Variants in RNF121 observed in about 807,000 individuals in gnomAD.
The protein encoded by RNF121 is E3 ubiquitin ligase RNF121.
In RNF121, 21 loss-of-function variants were observed where a neutral mutation model predicts 46.5. The ratio of observed to expected loss-of-function variants is 0.45; its 90% CI spans 0.32 to 0.65. The LOEUF (loss-of-function observed/expected upper bound fraction) is 0.65. Ranked by LOEUF, RNF121 falls within the 30% of genes least tolerant of loss-of-function variation. RNF121 has a pLI of 0.04. For synonymous variants in RNF121, 139 were observed against 144.7 expected, an observed-to-expected ratio of 0.96 and a Z score of 0.28; for missense variants, 346 against 416.0, an observed-to-expected ratio of 0.83 and a Z score of 1.46.
At chr11:71,968,668 CTATT>C (rs993135280) in intron 3 of RNF121, among the ~76,000 whole-genome samples, 5 of 152,126 alleles carry the variant, frequency 3.3e-5, no homozygotes, top group African/African-American at 1.2e-4. Flanking sequence ...TGAGTACTGT[CTATT>C]TATTTGTTCA....
intron 3 of RNF121, chr11:71,962,287 A>G (rs1264942884): frequency 2.0e-6 from 2 of 984,906 alleles, no homozygotes; most frequent in African/African-American, 3.5e-5. Flanking sequence ...TATTCTGAAG[A>G]AAGTGAGTAT....
At chr11:71,940,494 A>G (rs1383424472) in intron 1 of RNF121, among the ~76,000 whole-genome samples, 1 of 152,216 alleles carries the variant, frequency 6.6e-6, no homozygotes, top group Admixed American at 6.5e-5. Context: ...ATGTTGAGAA[A>G]TGAGGATGTA....
chr11:71,966,647 A>AAT (rs1489640125), intron 3 of RNF121, among the ~76,000 whole-genome samples: 3 of 151,202 alleles, frequency 2.0e-5, no homozygotes, highest in South Asian at 2.1e-4. Flanking sequence ...ACGCTTGGCT[A>AAT]ATATATATAT....
chr11:71,964,904 A>G (rs555693596), intron 3 of RNF121, among the ~76,000 whole-genome samples: 4 of 152,302 alleles, frequency 2.6e-5, no homozygotes, highest in African/African-American at 9.6e-5. Context: ...TGAAATCTGT[A>G]TCAAATTGAA....
At position 71,997,443 on chromosome 11, in the gene RNF121, T is replaced by G. The variant is rs1473187869; in HGVS notation, c.*1128T>G. Reference sequence around the variant, plus strand: ...GGCCCCAGCCCTAGTCCTAGGCGACTTGAATAAAGTGGGAGGTCAAACATG... The same window carrying G: ...GGCCCCAGCCCTAGTCCTAGGCGACGTGAATAAAGTGGGAGGTCAAACATG... On this transcript the variant is annotated 3_prime_UTR_variant, in exon 9 of 9. Transcript: ENST00000361756. The G allele has an allele frequency of 6.6e-6, 1 of 152,170 alleles. No homozygotes were observed. The highest frequency in any genetic ancestry group is 1.5e-5 in the Non-Finnish European group (1 of 68,034). The allele number at this position is 152,170 out of a possible 1,614,324, so 9.4% of individuals were successfully genotyped here. A position where few individuals can be genotyped will look rare whatever the true frequency, so the allele number is the denominator to read the frequency against.
At chr11:71,944,950 A>G (rs1953679076) in intron 1 of RNF121, among the ~76,000 whole-genome samples, 1 of 151,904 alleles carries the variant, frequency 6.6e-6, no homozygotes, top group African/African-American at 2.4e-5. Context: ...AAGATCAAGT[A>G]GGATTATGTT....
intron 1 of RNF121, among the ~76,000 whole-genome samples, chr11:71,929,574 G>A (rs780201061): frequency 6.6e-6 from 1 of 152,088 alleles, no homozygotes; most frequent in Admixed American, 6.5e-5. Flanking sequence ...TAGTAGTATA[G>A]CTTTGAGTTA....
At chr11:71,971,410 A>T (rs1954417657) in intron 3 of RNF121, among the ~76,000 whole-genome samples, 1 of 152,174 alleles carries the variant, frequency 6.6e-6, no homozygotes, top group Non-Finnish European at 1.5e-5. Flanking sequence ...GAACTTTTTT[A>T]AAAATAAAAA....
chr11:71,996,406 A>C lies in RNF121; in HGVS notation c.*91A>C. 2 of 1,521,220 alleles carry C rather than the reference A, an allele frequency of 1.3e-6. No individual in the cohort carries two copies. The highest frequency in any genetic ancestry group is 4.6e-5 in the East Asian group (2 of 43,288). The allele number at this position is 1,521,220 out of a possible 1,614,324, so 94.2% of individuals were successfully genotyped here. On this transcript the variant is annotated 3_prime_UTR_variant, in exon 9 of 9. Transcript: ENST00000361756. ...CCCACAAAGACCTCCTGGGTGGGAA[A>C]GACTCAAAGGGGTGCTTGGGCCACT...
At chr11:71,951,084 C>T (rs1002927526) in intron 1 of RNF121, among the ~76,000 whole-genome samples, 3 of 151,820 alleles carry the variant, frequency 2.0e-5, no homozygotes, top group Non-Finnish European at 4.4e-5. Flanking sequence ...ATTAGTTGGG[C>T]GTGGTGGTGC....
chr11:71,982,335 C>CAAAAAAAAAA lies in RNF121; in HGVS notation c.244-416_244-407dup, dbSNP rs10635678. 8.8e-5 allele frequency among the ~76,000 whole-genome samples: 7 copies of CAAAAAAAAAA among 79,098 alleles called. 1 individual carries two copies. Among genetic ancestry groups the CAAAAAAAAAA allele is most frequent in the Non-Finnish European group, 6.9e-5 (3 of 43,558 alleles). 51.9% of individuals were successfully genotyped at this position (79,098 alleles called of 152,430 possible). On this transcript the variant is annotated intron_variant, in intron 3 of 8. Transcript: ENST00000361756. ...TGGGCAACAGAGCAAGACTCCATCT[C>CAAAAAAAAAA]AAAAAAAAAAAAAAAAAAAGGAATG...
At chr11:71,968,986 A>T (rs1459051595) in intron 3 of RNF121, among the ~76,000 whole-genome samples, 1 of 150,878 alleles carries the variant, frequency 6.6e-6, no homozygotes, top group African/African-American at 2.4e-5. Context: ...CTTGGGTTCA[A>T]GTGATTCTCC....
chr11:71,959,239 T>A (rs1398484257), intron 2 of RNF121, among the ~76,000 whole-genome samples: 1 of 152,204 alleles, frequency 6.6e-6, no homozygotes, highest in African/African-American at 2.4e-5. Context: ...TGACTGGCAT[T>A]TGGCTTCCCA....
At chr11:71,961,018 A>G (rs1249437278) in intron 3 of RNF121, 127 bp downstream of exon 3, 2 of 1,014,744 alleles carry the variant, frequency 2.0e-6, no homozygotes, top group Non-Finnish European at 2.9e-6. Context: ...AACTTTATGT[A>G]TGAATGATGA....
chr11:71,943,622 T>C (rs1953641405), intron 1 of RNF121, among the ~76,000 whole-genome samples: 1 of 152,198 alleles, frequency 6.6e-6, no homozygotes, highest in Admixed American at 6.5e-5. Context: ...CTCAGGTTGC[T>C]CATGGTGTAG....
intron 6 of RNF121, among the ~76,000 whole-genome samples, chr11:71,991,397 CA>C (rs1230228124): frequency 6.6e-6 from 1 of 152,124 alleles, no homozygotes; most frequent in East Asian, 1.9e-4. Context: ...GCCAGAATTA[CA>C]AAAGTGTACA....
At chr11:71,934,747 C>T (rs1265487003) in intron 1 of RNF121, among the ~76,000 whole-genome samples, 1 of 151,978 alleles carries the variant, frequency 6.6e-6, no homozygotes, top group African/African-American at 2.4e-5. Flanking sequence ...GGGTAGTAAA[C>T]AGTGGGTTCA....
intron 1 of RNF121, among the ~76,000 whole-genome samples, chr11:71,938,314 A>ATTTTTTTTTTTTT: frequency 1.1e-5 from 1 of 94,926 alleles, no homozygotes; most frequent in Non-Finnish European, 2.0e-5. Flanking sequence ...TAGTCTCTTA[A>ATTTTTTTTTTTTT]TTTTTTTTTT....
rs1326650133 is a variant in RNF121 at position 71,929,056 on chromosome 11, G to T, written c.-6G>T. On this transcript the variant is annotated 5_prime_UTR_variant, in exon 1 of 9. Coordinates refer to ENST00000361756, the MANE Select transcript of RNF121 (RefSeq NM_018320.5). The stretch of plus-strand genomic sequence containing the variant: ...GGGGACTGCGGTGAGGGGGCGAGCC[G>T]TGAAGATGGCGGCAGTGGTGGAGGT... 1 of 1,551,332 alleles carries T rather than the reference G, an allele frequency of 6.4e-7. No homozygotes were observed. The highest frequency in any genetic ancestry group is 8.7e-7 in the Non-Finnish European group (1 of 1,146,982).
Sources: allele counts gnomAD v4.1 joint callset (sites outside exome capture counted in the v4.1 genomes callset), GRCh38; gene constraint gnomAD v4.1.1; transcripts MANE v1.5; gene names NCBI Gene and HGNC (gene_info 2026-07-23, HGNC 2026-07-21).